Variants in RNGTT observed in about 807,000 individuals in gnomAD.
The protein encoded by RNGTT is RNA guanylyltransferase and 5'-phosphatase.
In RNGTT, 33 loss-of-function variants were observed where a neutral mutation model predicts 79.3. The observed-to-expected ratio is 0.42, with a 90% confidence interval of 0.32 to 0.56. The LOEUF (loss-of-function observed/expected upper bound fraction) is 0.56, where lower values mean the gene tolerates loss of function less well. RNGTT is among the 20% of genes least tolerant of loss of function. RNGTT has a pLI of 0.17. For missense variants in RNGTT, 497 were observed against 739.1 expected (o/e 0.67, Z 3.80); for synonymous variants, 222 against 235.9 (o/e 0.94, Z 0.54).
At chr6:88,780,730 C>T (rs776160064) in intron 12 of RNGTT, among the ~76,000 whole-genome samples, 7 of 151,990 alleles carry the variant, frequency 4.6e-5, no homozygotes, top group African/African-American at 7.2e-5. Flanking sequence ...TAAATGTAAA[C>T]GTCAGGCAGC....
At chr6:88,778,800 C>G (rs929349235) in intron 12 of RNGTT, among the ~76,000 whole-genome samples, 1 of 152,154 alleles carries the variant, frequency 6.6e-6, no homozygotes, top group African/African-American at 2.4e-5. Context: ...ATAGGAAACA[C>G]CTTTTAACTG....
At chr6:88,958,942 A>C (rs1785523339) in intron 1 of RNGTT, among the ~76,000 whole-genome samples, 1 of 152,222 alleles carries the variant, frequency 6.6e-6, no homozygotes, top group Non-Finnish European at 1.5e-5. Context: ...AATTGCAAAA[A>C]TGTGGAACCA....
intron 11 of RNGTT, among the ~76,000 whole-genome samples, chr6:88,811,526 G>T (rs1259768702): frequency 4.6e-5 from 7 of 152,018 alleles, no homozygotes; most frequent in Admixed American, 4.6e-4. Flanking sequence ...CATAAGCAGA[G>T]AAACATAATG....
At chr6:88,637,389 T>G (rs1773138090) in intron 14 of RNGTT, among the ~76,000 whole-genome samples, 1 of 152,200 alleles carries the variant, frequency 6.6e-6, no homozygotes, top group East Asian at 1.9e-4. Context: ...GTTGTTCCAG[T>G]TCAGACTGAA....
intron 11 of RNGTT, among the ~76,000 whole-genome samples, chr6:88,805,247 A>G (rs1050308306): frequency 6.6e-5 from 10 of 152,340 alleles, no homozygotes; most frequent in Admixed American, 3.3e-4. Context: ...AGTGGCAGCC[A>G]TAAGTGAGTA....
chr6:88,843,962 AC>A (rs1781402021), intron 11 of RNGTT, among the ~76,000 whole-genome samples: 1 of 150,872 alleles, frequency 6.6e-6, no homozygotes, highest in African/African-American at 2.4e-5. Context: ...ATATATATAT[AC>A]ATACACATAT....
Position 88,845,574 on chromosome 6 carries a change from T to C in RNGTT, c.1105-1053A>G, listed in dbSNP as rs116850549. ...AAGTGCATTTTTCCCCCATCTTTTC[T>C]GTCTTTTTCCTCTTCTCCAATGTAT... On this transcript the variant is annotated intron_variant, in intron 10 of 15. Transcript: ENST00000369485. 5.2e-3 allele frequency among the ~76,000 whole-genome samples: 787 copies of C among 152,338 alleles called. 5 individuals carry two copies. The highest frequency in any genetic ancestry group is 0.014 in the Middle Eastern group (4 of 294).
intron 10 of RNGTT, among the ~76,000 whole-genome samples, chr6:88,848,798 T>C (rs1781571621): frequency 6.6e-6 from 1 of 152,012 alleles, no homozygotes; most frequent in Non-Finnish European, 1.5e-5. Context: ...GAAACTTCTA[T>C]TGGATTCGTA....
At chr6:88,837,505 AG>A (rs1175746389) in intron 11 of RNGTT, among the ~76,000 whole-genome samples, 1 of 152,180 alleles carries the variant, frequency 6.6e-6, no homozygotes, top group African/African-American at 2.4e-5. Flanking sequence ...CTGATGAAAA[AG>A]TTTCCAAAGA....
rs1784116454 is a variant in RNGTT, at chr6:88,919,947, C to A, written c.367+9038G>T. The stretch of plus-strand genomic sequence containing the variant: ...CAGGTGATCCACCCGCCTCGGCCTC[C>A]CAAAGTGTTGGGATTACAGGCGTGA... On this transcript the variant is annotated intron_variant, in intron 4 of 15. Coordinates refer to ENST00000369485, the MANE Select transcript of RNGTT (RefSeq NM_003800.5). 1.3e-5 allele frequency among the ~76,000 whole-genome samples: 2 copies of A among 152,026 alleles called. 1 individual carries two copies. The highest frequency in any genetic ancestry group is 4.1e-4 in the South Asian group (2 of 4,834).
intron 12 of RNGTT, among the ~76,000 whole-genome samples, chr6:88,797,660 G>A (rs1328936831): frequency 4.0e-5 from 6 of 151,774 alleles, no homozygotes; most frequent in African/African-American, 1.4e-4. Flanking sequence ...AATGCTAGAT[G>A]ACAAGACTTT....
intron 14 of RNGTT, among the ~76,000 whole-genome samples, chr6:88,620,194 T>A (rs941861731): frequency 6.6e-6 from 1 of 152,216 alleles, no homozygotes; most frequent in African/African-American, 2.4e-5. Context: ...TTCTCCTTCA[T>A]GAATGGTGGT....
intron 13 of RNGTT, among the ~76,000 whole-genome samples, chr6:88,702,316 T>G (rs1351288667): frequency 6.6e-6 from 1 of 152,094 alleles, no homozygotes; most frequent in Admixed American, 6.5e-5. Context: ...CAAACTATAC[T>G]ACAAGGCTAC....
intron 8 of RNGTT, among the ~76,000 whole-genome samples, chr6:88,867,231 C>T (rs1346667802): frequency 6.6e-6 from 1 of 152,078 alleles, no homozygotes; most frequent in Non-Finnish European, 1.5e-5. Context: ...ACCTGTAATC[C>T]CAGCACTTTG....
At chr6:88,778,525 A>G (rs372953684) in intron 12 of RNGTT, among the ~76,000 whole-genome samples, 54 of 152,302 alleles carry the variant, frequency 3.5e-4, no homozygotes, top group African/African-American at 1.3e-3. Flanking sequence ...TATCTTGCCC[A>G]AGCTAGAATG....
intron 11 of RNGTT, among the ~76,000 whole-genome samples, chr6:88,822,722 T>C (rs1005367988): frequency 6.6e-6 from 1 of 152,192 alleles, no homozygotes; most frequent in African/African-American, 2.4e-5. Flanking sequence ...AGAAAGTGTG[T>C]CTGTATCACA....
At chr6:88,819,065 T>C (rs1044073276) in intron 11 of RNGTT, among the ~76,000 whole-genome samples, 2 of 152,178 alleles carry the variant, frequency 1.3e-5, no homozygotes, top group Admixed American at 6.5e-5. Flanking sequence ...AGCAAATTAT[T>C]AGAAAATTTA....
rs1784121662 is a variant in RNGTT, at chr6:88,920,126, A to C, written c.367+8859T>G. Among the ~76,000 whole-genome samples, 3 of 152,302 alleles carry C rather than the reference A, an allele frequency of 2.0e-5. No individual in the cohort carries two copies. In the South Asian group the frequency reaches 6.2e-4, roughly 32 times the overall value. ...AACATAGCCAGACCTGGTCTCTAAAAAATTATTTAATATAATACAATAAAG... is the reference window on the plus strand; with the variant it reads ...AACATAGCCAGACCTGGTCTCTAAACAATTATTTAATATAATACAATAAAG... On this transcript the variant is annotated intron_variant, in intron 4 of 15. Coordinates refer to ENST00000369485, the MANE Select transcript of RNGTT (RefSeq NM_003800.5).
At chr6:88,741,963 C>A (rs554333211) in intron 13 of RNGTT, among the ~76,000 whole-genome samples, 2 of 152,216 alleles carry the variant, frequency 1.3e-5, no homozygotes, top group African/African-American at 4.8e-5. Flanking sequence ...GGATCTAGAT[C>A]ATAAAAATAA....
Sources: gnomAD v4.1 joint callset for allele counts (sites outside exome capture counted in the v4.1 genomes callset) on GRCh38, gnomAD v4.1.1 for gene constraint, MANE v1.5 for transcripts, NCBI Gene and HGNC (gene_info 2026-07-23, HGNC 2026-07-21) for gene names.